AGAP1: variants seen among roughly 807,000 people sequenced by gnomAD.
AGAP1 encodes the protein ArfGAP with GTPase domain, ankyrin repeat and PH domain 1.
Under a neutral mutation model 105.3 loss-of-function variants are expected in AGAP1, and 29 were observed. That is an observed-to-expected ratio of 0.28 (90% confidence interval 0.21 to 0.38). AGAP1 has a LOEUF of 0.38. Ranked by LOEUF, AGAP1 falls within the 10% of genes least tolerant of loss-of-function variation. The pLI is 1.00. For missense variants in AGAP1, 998 were observed against 1,165.1 expected (o/e 0.86, Z 2.09); for synonymous variants, 509 against 485.9 (o/e 1.05, Z -0.63).
chr2:235,561,036 G>T (rs1944133129), intron 1 of AGAP1, among the ~76,000 whole-genome samples: 2 of 152,170 alleles, frequency 1.3e-5, no homozygotes, highest in African/African-American at 4.8e-5. Flanking sequence ...CTTTGGAGTG[G>T]GTGCCGCTGC....
chr2:236,106,885 C>T (rs1221961815), intron 16 of AGAP1, among the ~76,000 whole-genome samples: 1 of 152,152 alleles, frequency 6.6e-6, no homozygotes, highest in African/African-American at 2.4e-5. Context: ...TGCTGGGCCC[C>T]GTGGAGGTGG....
At position 235,733,858 on chromosome 2, in the gene AGAP1, A is replaced by C. The variant is rs1952090581; in HGVS notation, c.311-7105A>C. Among the ~76,000 whole-genome samples the C allele has an allele frequency of 3.3e-5, 5 of 152,274 alleles. 1 individual carries two copies. In the South Asian group the frequency reaches 1.0e-3, roughly 32 times the overall value. On this transcript the variant is annotated intron_variant, in intron 3 of 17. Transcript: ENST00000304032. This position sits in a 1 kb window ranked among gnomAD's most constrained non-coding sequence, Gnocchi z 5.0. Reference sequence around the variant, plus strand: ...GTAAATTAAAAAAAAAAGTTGGGAGAGGAAGTGAAATCTGATTTGGCTAAA... The same window carrying C: ...GTAAATTAAAAAAAAAAGTTGGGAGCGGAAGTGAAATCTGATTTGGCTAAA...
Position 235,962,052 on chromosome 2 carries a change from GTTTT to G in AGAP1, c.1484-6409_1484-6406del, listed in dbSNP as rs2054212399. On this transcript the variant is annotated intron_variant, in intron 12 of 17. Transcript: ENST00000304032. This position sits in a 1 kb window ranked among gnomAD's most constrained non-coding sequence, Gnocchi z 5.3. The stretch of plus-strand genomic sequence containing the variant: ...ATGGATGCTTTTGGTTTTTGGTTTT[GTTTT>G]GTTTTGTTTTGTTTTGTTTTGTTTT... 9.3e-6 allele frequency among the ~76,000 whole-genome samples: 1 copy of G among 107,948 alleles called. No homozygotes were observed. Among genetic ancestry groups the G allele is most frequent in the East Asian group, 2.3e-4 (1 of 4,286 alleles). The allele number at this position is 107,948 out of a possible 152,430, so 70.8% of individuals were successfully genotyped here.
In AGAP1 at chr2:236,045,062, G is replaced by A. The variant is rs572265654; in HGVS notation, c.1892-3997G>A. Among the ~76,000 whole-genome samples the A allele has an allele frequency of 1.3e-5, 2 of 152,192 alleles. No individual in the cohort carries two copies. The highest frequency in any genetic ancestry group is 2.9e-5 in the Non-Finnish European group (2 of 68,012). On this transcript the variant is annotated intron_variant, in intron 15 of 17. Coordinates refer to ENST00000304032, the MANE Select transcript of AGAP1 (RefSeq NM_001037131.3). The surrounding 1 kb of genome is among the most constrained non-coding windows in gnomAD (Gnocchi z 6.9). ...CCTGAGCAGCTGTGACTACATGTGC[G>A]TGCCACCACGCCGACCTGATTTTTT...
At chr2:235,616,035 G>A (rs567127260) in intron 1 of AGAP1, among the ~76,000 whole-genome samples, 134 of 152,198 alleles carry the variant, frequency 8.8e-4, no homozygotes, top group African/African-American at 3.2e-3. Context: ...AATATATTTG[G>A]CTTTGTTGAT....
At chr2:235,783,597 A>C (rs1411711559) in intron 6 of AGAP1, among the ~76,000 whole-genome samples, 1 of 152,222 alleles carries the variant, frequency 6.6e-6, no homozygotes, top group African/African-American at 2.4e-5. Context: ...CGTACCCACA[A>C]AACATTATGC....
At chr2:235,807,611 T>C (rs1029559333) in intron 9 of AGAP1, among the ~76,000 whole-genome samples, 19 of 152,212 alleles carry the variant, frequency 1.2e-4, no homozygotes, top group Non-Finnish European at 2.6e-4. Flanking sequence ...GCTGCCTTTG[T>C]AGCACGGCTT....
chr2:235,496,022 G>A (rs2148991135), intron 1 of AGAP1, among the ~76,000 whole-genome samples: 1 of 152,320 alleles, frequency 6.6e-6, no homozygotes, highest in Non-Finnish European at 1.5e-5. Flanking sequence ...TGAGGGAGAG[G>A]GTATCAGCCC....
At chr2:236,052,499 C>T (rs879281382) in intron 16 of AGAP1, among the ~76,000 whole-genome samples, 6 of 152,158 alleles carry the variant, frequency 3.9e-5, no homozygotes, top group East Asian at 1.9e-4. Flanking sequence ...CAGCTTCGGA[C>T]GGCTTATAAT....
At position 236,089,105 on chromosome 2, in the gene AGAP1, T is replaced by C. The variant is rs1433662574; in HGVS notation, c.2115-31087T>C. Reference sequence around the variant, plus strand: ...GATGCCACAGTTGCGGCAGAGAATATCCAAAAGGAAAGGGTCCAAGTCAGA... The same window carrying C: ...GATGCCACAGTTGCGGCAGAGAATACCCAAAAGGAAAGGGTCCAAGTCAGA... On this transcript the variant is annotated intron_variant, in intron 16 of 17. Transcript: ENST00000304032. This position sits in a 1 kb window ranked among gnomAD's most constrained non-coding sequence, Gnocchi z 5.6. 6.6e-6 allele frequency among the ~76,000 whole-genome samples: 1 copy of C among 152,156 alleles called. No individual in the cohort carries two copies.
At chr2:235,542,392 G>A (rs964682873) in intron 1 of AGAP1, among the ~76,000 whole-genome samples, 5 of 152,220 alleles carry the variant, frequency 3.3e-5, no homozygotes, top group African/African-American at 7.2e-5. Flanking sequence ...AATCAATGGA[G>A]CTGTTTGCTC....
intron 16 of AGAP1, among the ~76,000 whole-genome samples, chr2:236,108,025 A>T (rs2059543636): frequency 6.6e-6 from 1 of 152,196 alleles, no homozygotes; most frequent in South Asian, 2.1e-4. Context: ...ATCCTTGTCC[A>T]CTGCCTCCTC....
intron 1 of AGAP1, among the ~76,000 whole-genome samples, chr2:235,536,375 AG>A (rs1559231298): frequency 2.0e-4 from 9 of 45,830 alleles, no homozygotes; most frequent in Admixed American, 4.7e-4. Context: ...ACACACACAC[AG>A]CAGGACCCCG....
Position 235,988,104 on chromosome 2 carries a change from A to G in AGAP1, c.1645+19481A>G, listed in dbSNP as rs1458132225. Reference sequence around the variant, plus strand: ...GTTGCCCAGGCTGGAGTGTGGTGGCATGATCTCGGCTCACTGAAGCCTCCA... The same window carrying G: ...GTTGCCCAGGCTGGAGTGTGGTGGCGTGATCTCGGCTCACTGAAGCCTCCA... On this transcript the variant is annotated intron_variant, in intron 13 of 17. Coordinates refer to ENST00000304032, the MANE Select transcript of AGAP1 (RefSeq NM_001037131.3). This position sits in a 1 kb window ranked among gnomAD's most constrained non-coding sequence, Gnocchi z 4.7. 2.6e-5 allele frequency among the ~76,000 whole-genome samples: 4 copies of G among 152,152 alleles called. No homozygotes were observed. Among genetic ancestry groups the G allele is most frequent in the Non-Finnish European group, 5.9e-5 (4 of 68,026 alleles).
chr2:235,696,995 A>G (rs1158087320), intron 1 of AGAP1, among the ~76,000 whole-genome samples: 1 of 152,054 alleles, frequency 6.6e-6, no homozygotes, highest in Non-Finnish European at 1.5e-5. Flanking sequence ...CAAAAAAAAA[A>G]AGAGAAGTAT....
At chr2:235,602,489 TC>T (rs1172462335) in intron 1 of AGAP1, among the ~76,000 whole-genome samples, 2 of 152,158 alleles carry the variant, frequency 1.3e-5, no homozygotes, top group Admixed American at 6.6e-5. Flanking sequence ...CCACACTCAG[TC>T]CCTGCTGTTC....
At chr2:235,909,184 C>A (rs1245916714) in intron 11 of AGAP1, among the ~76,000 whole-genome samples, 1 of 152,142 alleles carries the variant, frequency 6.6e-6, no homozygotes, top group Non-Finnish European at 1.5e-5. Context: ...AACATGTGAA[C>A]TGGGTTTTTA....
chr2:235,760,076 G>A (rs1710827), intron 6 of AGAP1, among the ~76,000 whole-genome samples: 42,519 of 152,064 alleles, frequency 0.28, 6,264 homozygotes, highest in Admixed American at 0.41. Context: ...ATATTCACTC[G>A]GTAAATACAA....
rs995353664 is a variant in AGAP1 at position 236,044,302 on chromosome 2, C to T, written c.1891+3461C>T. On this transcript the variant is annotated intron_variant, in intron 15 of 17. Coordinates refer to ENST00000304032, the MANE Select transcript of AGAP1 (RefSeq NM_001037131.3). This position sits in a 1 kb window ranked among gnomAD's most constrained non-coding sequence, Gnocchi z 5.7. ...CCTGTTGCCTGCCTTCTGCCAGGAA[C>T]ATGCCAAGGAAAGTCCACACCTGAG... Among the ~76,000 whole-genome samples the T allele has an allele frequency of 6.6e-6, 1 of 152,154 alleles. No individual in the cohort carries two copies. The highest frequency in any genetic ancestry group is 2.4e-5 in the African/African-American group (1 of 41,438).
Sources: allele counts gnomAD v4.1 joint callset (sites outside exome capture counted in the v4.1 genomes callset), GRCh38; gene constraint gnomAD v4.1.1; non-coding constraint Gnocchi (gnomAD v3.1); transcripts MANE v1.5; gene names NCBI Gene and HGNC (gene_info 2026-07-23, HGNC 2026-07-21).